EZR: variants seen among roughly 807,000 people sequenced by gnomAD.
EZR encodes ezrin.
In EZR, 40 loss-of-function variants were observed where a neutral mutation model predicts 74.8. The ratio of observed to expected loss-of-function variants is 0.53; its 90% CI spans 0.42 to 0.70. The LOEUF is 0.70. Ranked by LOEUF, EZR falls within the 30% of genes least tolerant of loss-of-function variation. The pLI is 0.00. For missense variants in EZR, 678 were observed against 755.8 expected (o/e 0.90, Z 1.21); for synonymous variants, 341 against 283.3 (o/e 1.20, Z -2.05).
At chr6:158,818,298 C>A in intron 1 of EZR, 132 bp from the exon 2 acceptor site, 1 of 344,818 alleles carries the variant, frequency 2.9e-6, no homozygotes. Flanking sequence ...GTCAGCGCCC[C>A]GCCCAGCACT....
intron 2 of EZR, among the ~76,000 whole-genome samples, chr6:158,803,632 C>T (rs951189901): frequency 1.1e-4 from 2 of 18,062 alleles, no homozygotes; most frequent in African/African-American, 1.9e-4. Flanking sequence ...TATACATATA[C>T]ATACATATAT....
intron 7 of EZR, 32 bp downstream of exon 7, chr6:158,783,488 C>T (rs1791485254): frequency 6.3e-7 from 1 of 1,593,288 alleles, no homozygotes; most frequent in Non-Finnish European, 8.6e-7. Flanking sequence ...CACCACCCTA[C>T]CTACTGAAGA....
intron 2 of EZR, among the ~76,000 whole-genome samples, chr6:158,791,968 A>G (rs907566374): frequency 1.3e-5 from 2 of 151,960 alleles, no homozygotes; most frequent in Non-Finnish European, 2.9e-5. Context: ...TCGGCCTCCC[A>G]AAGTGCTGGG....
intron 2 of EZR, among the ~76,000 whole-genome samples, chr6:158,797,481 GCCA>G (rs1469878887): frequency 6.6e-6 from 1 of 150,498 alleles, no homozygotes. Flanking sequence ...GAGCCATCCA[GCCA>G]CCACCAAGAT....
intron 2 of EZR, among the ~76,000 whole-genome samples, chr6:158,798,007 G>C (rs1777108737): frequency 6.6e-6 from 1 of 152,194 alleles, no homozygotes; most frequent in African/African-American, 2.4e-5. Flanking sequence ...TCAGCCCCTG[G>C]AAACCACCAA....
chr6:158,767,666 A>G (rs906710138), intron 12 of EZR, among the ~76,000 whole-genome samples, 154 bp from the exon 13 acceptor site: 1 of 152,182 alleles, frequency 6.6e-6, no homozygotes, highest in Non-Finnish European at 1.5e-5. Flanking sequence ...CTCAGGGTGC[A>G]TGGGGGGTTT....
At chr6:158,807,622 C>A (rs1367003311) in intron 2 of EZR, among the ~76,000 whole-genome samples, 1 of 152,094 alleles carries the variant, frequency 6.6e-6, no homozygotes. Flanking sequence ...GTCACTCTGC[C>A]CAGTGGTTTT....
intron 8 of EZR, among the ~76,000 whole-genome samples, chr6:158,774,593 G>A (rs140519105): frequency 1.0e-4 from 15 of 150,652 alleles, no homozygotes; most frequent in Non-Finnish European, 1.6e-4. Context: ...GCACATGCAC[G>A]AGATGCGTTA....
At chr6:158,789,994 C>CG (rs779283374) in intron 2 of EZR, among the ~76,000 whole-genome samples, 2 of 152,190 alleles carry the variant, frequency 1.3e-5, no homozygotes, top group East Asian at 3.9e-4. Flanking sequence ...ATGAGCCTTA[C>CG]GACAGCCAAG....
At chr6:158,770,389 C>T (rs1330442550) in intron 10 of EZR, among the ~76,000 whole-genome samples, 4 of 152,132 alleles carry the variant, frequency 2.6e-5, no homozygotes, top group Admixed American at 2.0e-4. Flanking sequence ...GCTCTGAACA[C>T]GCCTTTGGGT....
At chr6:158,791,025 GAAAT>G (rs1376068906) in intron 2 of EZR, among the ~76,000 whole-genome samples, 1 of 152,186 alleles carries the variant, frequency 6.6e-6, no homozygotes, top group African/African-American at 2.4e-5. Flanking sequence ...CAGGGAACCA[GAAAT>G]ATTAAGCACT....
intron 3 of EZR, chr6:158,788,195 A>G (rs1791634498): frequency 6.6e-6 from 1 of 152,246 alleles, no homozygotes; most frequent in African/African-American, 2.4e-5. Context: ...TGCTTAAAGT[A>G]AATCCTAAAA....
chr6:158,808,459 A>G (rs558435971), intron 2 of EZR, among the ~76,000 whole-genome samples: 11 of 152,302 alleles, frequency 7.2e-5, no homozygotes, highest in Admixed American at 2.6e-4. Flanking sequence ...AGGACAAACA[A>G]CAAGGTTACA....
At chr6:158,778,863 A>G (rs6937358) in intron 7 of EZR, among the ~76,000 whole-genome samples, 61,985 of 152,098 alleles carry the variant, frequency 0.41, 13,286 homozygotes, top group Non-Finnish European at 0.48. Context: ...CCATATTAAT[A>G]TAACTGAATA....
At position 158,803,564 on chromosome 6, in the gene EZR, TATATATATATATATATAC is replaced by T. The variant is rs1562504408; in HGVS notation, c.13-14211_13-14194del. Among the ~76,000 whole-genome samples, 44 of 4,968 alleles carry T rather than the reference TATATATATATATATATAC, an allele frequency of 8.9e-3. 1 individual carries two copies. Among genetic ancestry groups the T allele is most frequent in the Admixed American group, 0.012 (9 of 754 alleles). The allele number at this position is 4,968 out of a possible 152,430, so 3.3% of individuals were successfully genotyped here. On this transcript the variant is annotated intron_variant, in intron 2 of 13. Transcript: ENST00000367075. The stretch of plus-strand genomic sequence containing the variant: ...ATATATGTATATATATATATATATA[TATATATATATATATATAC>T]ATATATATATATATATATATATACA...
intron 5 of EZR, among the ~76,000 whole-genome samples, chr6:158,784,976 C>T (rs1329940865): frequency 6.6e-6 from 1 of 152,162 alleles, no homozygotes; most frequent in Non-Finnish European, 1.5e-5. Context: ...CCTCTTCTTC[C>T]AAATGGGGTA....
chr6:158,803,630 T>C (rs918510001), intron 2 of EZR, among the ~76,000 whole-genome samples: 2 of 27,778 alleles, frequency 7.2e-5, no homozygotes, highest in South Asian at 1.3e-3. Context: ...TATATACATA[T>C]ACATACATAT....
At chr6:158,808,543 T>G (rs1777389397) in intron 2 of EZR, among the ~76,000 whole-genome samples, 1 of 152,234 alleles carries the variant, frequency 6.6e-6, no homozygotes, top group South Asian at 2.1e-4. Context: ...AGTAAAGCTT[T>G]TAATCAGATT....
At chr6:158,810,066 T>G (rs7754951) in intron 2 of EZR, among the ~76,000 whole-genome samples, 63,247 of 152,020 alleles carry the variant, frequency 0.42, 13,897 homozygotes, top group Non-Finnish European at 0.5. Context: ...ACTTCTAACT[T>G]AAAAATATGA....
Sources: allele counts gnomAD v4.1 joint callset (sites outside exome capture counted in the v4.1 genomes callset), GRCh38; gene constraint gnomAD v4.1.1; transcripts MANE v1.5; gene names NCBI Gene and HGNC (gene_info 2026-07-23, HGNC 2026-07-21).